Variants in CBFA2T3 observed in about 807,000 individuals in gnomAD.
CBFA2T3 encodes CBFA2/RUNX1 partner transcriptional co-repressor 3, also known as transcriptional corepressor CBFA2T3.
In CBFA2T3, 31 loss-of-function variants were observed where a neutral mutation model predicts 58.6. The ratio of observed to expected loss-of-function variants is 0.53; its 90% confidence interval spans 0.40 to 0.71. The LOEUF is 0.71. CBFA2T3 is among the 30% of genes least tolerant of loss of function. The pLI is 0.00. For missense variants in CBFA2T3, 1,076 were observed against 963.1 expected (o/e 1.12, Z -1.55); for synonymous variants, 531 against 421.9 (o/e 1.26, Z -3.17).
intron 1 of CBFA2T3, among the ~76,000 whole-genome samples, chr16:88,904,476 C>T (rs1597703219): frequency 1.3e-5 from 2 of 152,194 alleles, no homozygotes; most frequent in South Asian, 4.1e-4. Flanking sequence ...GGCCAGGACT[C>T]GGCAGGACTC....
chr16:88,961,819 G>C (rs113882557), intron 1 of CBFA2T3, among the ~76,000 whole-genome samples: 57 of 89,728 alleles, frequency 6.4e-4, no homozygotes, highest in Middle Eastern at 0.011. Flanking sequence ...CATTCCCACT[G>C]CATAGTAACC....
intron 1 of CBFA2T3, chr16:88,936,962 T>C (rs923479095): frequency 1.3e-5 from 2 of 152,228 alleles, no homozygotes; most frequent in Admixed American, 6.5e-5. Context: ...CTGCCAGGTC[T>C]CCGCCTGAGT....
chr16:88,916,231 TGTGTATTC>T (rs1475517190), intron 1 of CBFA2T3, among the ~76,000 whole-genome samples: 1,700 of 147,072 alleles, frequency 0.012, 25 homozygotes, highest in African/African-American at 0.04. Context: ...CATGTGGGTG[TGTGTATTC>T]ATGTGTGTAT....
rs1431121172 is a variant in CBFA2T3 at position 88,943,118 on chromosome 16, A to G, written c.151+33539T>C. On this transcript the variant is annotated intron_variant, in intron 1 of 11. Transcript: ENST00000268679. The stretch of plus-strand genomic sequence containing the variant: ...CCGGTGATAATCCTAAAACGCCCCC[A>G]GGTTTCAGAGATTTTACAAAGCAAC... Among the ~76,000 whole-genome samples, 8 of 152,250 alleles carry G rather than the reference A, an allele frequency of 5.3e-5. No individual in the cohort carries two copies. The South Asian group carries it at 8.3e-4, about 16-fold the overall frequency.
Position 88,957,215 on chromosome 16 carries a change from C to T in CBFA2T3, c.151+19442G>A, listed in dbSNP as rs1011043496. Among the ~76,000 whole-genome samples the T allele has an allele frequency of 2.6e-5, 4 of 152,362 alleles. No homozygotes were observed. In the East Asian group the frequency reaches 5.8e-4, roughly 22 times the overall value. On this transcript the variant is annotated intron_variant, in intron 1 of 11. Transcript: ENST00000268679. ...CACTCCCCGGCATCTTCCCTCTCAC[C>T]AAATGCTGCCGGTGGTTCTAACCTC... is the stretch of plus-strand genomic sequence containing the variant.
In CBFA2T3 at chr16:88,971,352, C is replaced by CGCCT. The variant is rs570991228; in HGVS notation, c.151+5301_151+5304dup. Among the ~76,000 whole-genome samples, 204 of 152,302 alleles carry CGCCT rather than the reference C, an allele frequency of 1.3e-3. 1 individual carries two copies. Among genetic ancestry groups the CGCCT allele is most frequent in the African/African-American group, 4.6e-3 (192 of 41,560 alleles). ...CTCGGAATCCTGGCCTCAAGTGATC[C>CGCCT]GCCTGCCTCGGCCTCCCAAAGTGCT... On this transcript the variant is annotated intron_variant, in intron 1 of 11. Coordinates refer to ENST00000268679, the MANE Select transcript of CBFA2T3 (RefSeq NM_005187.6).
chr16:88,961,993 G>A (rs1475411067), intron 1 of CBFA2T3, among the ~76,000 whole-genome samples: 10 of 139,564 alleles, frequency 7.2e-5, no homozygotes, highest in South Asian at 2.3e-4. Context: ...TCAGCACTGG[G>A]CATTCCCATT....
In CBFA2T3 at chr16:88,901,584, G is replaced by A; in HGVS notation, c.224C>T (p.Ser75Phe). The A allele has an allele frequency of 9.9e-6, 15 of 1,512,164 alleles. No homozygotes were observed. Among genetic ancestry groups the A allele is most frequent in the Non-Finnish European group, 1.3e-5 (15 of 1,142,402 alleles). 93.7% of individuals were successfully genotyped at this position (1,512,164 alleles called of 1,614,324 possible). The change falls in exon 2 of 12, where the codon TCC becomes TTC. Residue 75 changes from serine (S) to phenylalanine (F), a missense_variant. Physicochemically the swap from Ser to Phe is radical, Grantham distance 155. Transcript: ENST00000268679. ...TGGGGGCGGCATGCTGGGGGGTGTGGACCGGGGCTGCGTCTTCACCTCCGC... is the reference window on the plus strand; with the variant it reads ...TGGGGGCGGCATGCTGGGGGGTGTGAACCGGGGCTGCGTCTTCACCTCCGC... Reference protein sequence around the residue: ...SPAEVKTQPRSTPPSMPPPPP... With the variant: ...SPAEVKTQPRFTPPSMPPPPP...
At chr16:88,915,344 C>G (rs1252491617) in intron 1 of CBFA2T3, among the ~76,000 whole-genome samples, 1 of 113,788 alleles carries the variant, frequency 8.8e-6, no homozygotes, top group Non-Finnish European at 1.8e-5. Context: ...CCAGTCTGAT[C>G]TCAACTCAGA....
intron 5 of CBFA2T3, among the ~76,000 whole-genome samples, chr16:88,889,304 G>A (rs746993526): frequency 2.9e-4 from 39 of 136,266 alleles, no homozygotes; most frequent in Non-Finnish European, 5.7e-4. Context: ...GGGATGGAGC[G>A]ATAGAGGAGG....
In CBFA2T3 at chr16:88,885,614, G is replaced by C. The variant is rs1002995602; in HGVS notation, c.894-345C>G. 1.2e-5 allele frequency: 5 copies of C among 418,166 alleles called. 1 individual carries two copies. 25.9% of individuals were successfully genotyped at this position (418,166 alleles called of 1,614,324 possible). On this transcript the variant is annotated intron_variant, in intron 6 of 11. Coordinates refer to ENST00000268679, the MANE Select transcript of CBFA2T3 (RefSeq NM_005187.6). This position sits in a 1 kb window ranked among gnomAD's most constrained non-coding sequence, Gnocchi z 5.3. Reference sequence around the variant, plus strand: ...TGCCCCTTGGGCAGCAGCAGCACAAGAGCGTCTGGGGCAGCAGAGGGGGCC... The same window carrying C: ...TGCCCCTTGGGCAGCAGCAGCACAACAGCGTCTGGGGCAGCAGAGGGGGCC...
In CBFA2T3 at chr16:88,902,133, G is replaced by A. The variant is rs778133404; in HGVS notation, c.152-477C>T. 7.2e-5 allele frequency among the ~76,000 whole-genome samples: 11 copies of A among 152,348 alleles called. No homozygotes were observed. The South Asian group carries it at 8.3e-4, about 11-fold the overall frequency. The stretch of plus-strand genomic sequence containing the variant: ...TCCCAGGTGGCGCTGCTGCTGGTCT[G>A]GCCCTGGAAGCCATGGTTCTAAGAG... On this transcript the variant is annotated intron_variant, in intron 1 of 11. Coordinates refer to ENST00000268679, the MANE Select transcript of CBFA2T3 (RefSeq NM_005187.6).
At chr16:88,965,635 G>A (rs1972482979) in intron 1 of CBFA2T3, among the ~76,000 whole-genome samples, 1 of 152,214 alleles carries the variant, frequency 6.6e-6, no homozygotes, top group Non-Finnish European at 1.5e-5. Context: ...CCAGTGGTGA[G>A]GTTGCGGGGT....
intron 1 of CBFA2T3, among the ~76,000 whole-genome samples, chr16:88,944,636 C>T (rs964117037): frequency 6.6e-6 from 1 of 152,244 alleles, no homozygotes; most frequent in Non-Finnish European, 1.5e-5. Context: ...AAGGGCAGCA[C>T]CCACATCTGA....
At chr16:88,975,121 G>A (rs796187641) in intron 1 of CBFA2T3, among the ~76,000 whole-genome samples, 4,732 of 71,856 alleles carry the variant, frequency 0.066, 215 homozygotes, top group African/African-American at 0.13. Context: ...GGCCACCCTG[G>A]CCCTCTGCTC....
intron 1 of CBFA2T3, among the ~76,000 whole-genome samples, chr16:88,919,493 T>G (rs1970843044): frequency 6.6e-6 from 1 of 152,326 alleles, no homozygotes; most frequent in Non-Finnish European, 1.5e-5. Context: ...AACATCAGCG[T>G]GGCCTCAGGC....
In CBFA2T3 at chr16:88,892,433, T is replaced by C; in HGVS notation, c.432A>G (p.Thr144=). The change falls in exon 4 of 12, where the codon ACA becomes ACG. Residue 144 remains threonine, a synonymous_variant. Coordinates refer to ENST00000268679, the MANE Select transcript of CBFA2T3 (RefSeq NM_005187.6). Reference sequence around the variant, plus strand: ...CCGGGCCATTGCTGAAGCCGTTGGGTGTGCACGGTGCACCATTGATGGCTG... The same window carrying C: ...CCGGGCCATTGCTGAAGCCGTTGGGCGTGCACGGTGCACCATTGATGGCTG... ...SPTAINGAPC[T]PNGFSNGPAT... 6.2e-7 allele frequency: 1 copy of C among 1,613,410 alleles called. No individual in the cohort carries two copies. The highest frequency in any genetic ancestry group is 8.5e-7 in the Non-Finnish European group (1 of 1,179,966).
chr16:88,976,837 G>A lies in CBFA2T3; in HGVS notation c.-30C>T. 1 of 1,539,752 alleles carries A rather than the reference G, an allele frequency of 6.5e-7. No individual in the cohort carries two copies. The highest frequency in any genetic ancestry group is 1.4e-5 in the African/African-American group (1 of 73,156). On this transcript the variant is annotated 5_prime_UTR_variant, in exon 1 of 12. Transcript: ENST00000268679. ...AGGGCCACCCTCAGGGGCCAACCTG[G>A]AGCCCAGGACAGGCCTCTACCAGGA...
intron 5 of CBFA2T3, among the ~76,000 whole-genome samples, chr16:88,887,614 C>T (rs1264893890): frequency 1.3e-5 from 2 of 152,114 alleles, no homozygotes; most frequent in African/African-American, 2.4e-5. Flanking sequence ...CAGCAGCCCT[C>T]GGCAAGCAGG....
Sources: allele counts gnomAD v4.1 joint callset (sites outside exome capture counted in the v4.1 genomes callset), GRCh38; gene constraint gnomAD v4.1.1; non-coding constraint Gnocchi (gnomAD v3.1); transcripts MANE v1.5; gene names NCBI Gene and HGNC (gene_info 2026-07-23, HGNC 2026-07-21).